The following GRID2 variants were observed in gnomAD, a reference collection of about 807,000 sequenced individuals.
GRID2 encodes glutamate ionotropic receptor delta type subunit 2.
GRID2 carries 33 observed loss-of-function variants against 114.8 expected under a neutral mutation model. The ratio of observed to expected loss-of-function variants is 0.29; its 90% confidence interval spans 0.22 to 0.38. GRID2 has a LOEUF of 0.38. GRID2 is among the 10% of genes least tolerant of loss of function. The pLI is 1.00. For synonymous variants in GRID2, 505 were observed against 449.9 expected, an observed-to-expected ratio of 1.12 and a Z score of -1.55; for missense variants, 1,184 against 1,257.7, an observed-to-expected ratio of 0.94 and a Z score of 0.89.
chr4:92,722,081 C>T (rs541022649), intron 2 of GRID2, among the ~76,000 whole-genome samples: 2 of 152,172 alleles, frequency 1.3e-5, no homozygotes, highest in South Asian at 2.1e-4. Context: ...ACTCAGCAAC[C>T]AAAATGGTTT....
rs531692963 is a variant in GRID2, at chr4:92,861,395, C to T, written c.245-223600C>T. ...AGTTCTGTGAATTACGCAGGGGACA[C>T]GCACACTAGTGCGAAGGAAATCTTG... On this transcript the variant is annotated intron_variant, in intron 2 of 15. Coordinates refer to ENST00000282020, the MANE Select transcript of GRID2 (RefSeq NM_001510.4). Among the ~76,000 whole-genome samples, 34 of 152,128 alleles carry T rather than the reference C, an allele frequency of 2.2e-4. No homozygotes were observed. The South Asian group carries it at 6.8e-3, about 31-fold the overall frequency.
chr4:92,831,028 C>A (rs1742064958), intron 2 of GRID2, among the ~76,000 whole-genome samples: 1 of 152,122 alleles, frequency 6.6e-6, no homozygotes, highest in Non-Finnish European at 1.5e-5. Context: ...TATTGCCTGA[C>A]ATTTAAACTG....
intron 4 of GRID2, among the ~76,000 whole-genome samples, chr4:93,181,031 T>G (rs1457774732): frequency 6.6e-6 from 1 of 152,136 alleles, no homozygotes; most frequent in Admixed American, 6.6e-5. Context: ...AGTTTTCAAT[T>G]TACTCTGCCC....
rs966826660 is a variant in GRID2 at position 92,499,500 on chromosome 4, A to C, written c.89-90631A>C. ...TTTTACTTTATAGACTGGCTCTTCT[A>C]TATTTAGAATTATTATTCAGCAGAA... On this transcript the variant is annotated intron_variant, in intron 1 of 15. Coordinates refer to ENST00000282020, the MANE Select transcript of GRID2 (RefSeq NM_001510.4). Among the ~76,000 whole-genome samples the C allele has an allele frequency of 4.6e-5, 7 of 152,222 alleles. 1 individual carries two copies. The highest frequency in any genetic ancestry group is 1.3e-4 in the Admixed American group (2 of 15,266).
chr4:93,227,639 C>G (rs1022108561), intron 7 of GRID2, among the ~76,000 whole-genome samples: 1 of 152,124 alleles, frequency 6.6e-6, no homozygotes. Context: ...TTTCTCACAT[C>G]TTATTATGTT....
intron 8 of GRID2, among the ~76,000 whole-genome samples, chr4:93,332,263 TGTGC>T (rs1379219624): frequency 1.9e-5 from 2 of 107,216 alleles, no homozygotes; most frequent in African/African-American, 6.1e-5. Context: ...TGTGTGTGTG[TGTGC>T]GTGTGTGTGT....
chr4:92,882,952 G>A (rs190347308), intron 2 of GRID2, among the ~76,000 whole-genome samples: 3 of 152,274 alleles, frequency 2.0e-5, no homozygotes, highest in South Asian at 2.1e-4. Context: ...GCTGAAGGTC[G>A]GGGTGGCTGT....
At chr4:93,746,717 A>G (rs760135120) in intron 14 of GRID2, among the ~76,000 whole-genome samples, 1 of 152,166 alleles carries the variant, frequency 6.6e-6, no homozygotes, top group Non-Finnish European at 1.5e-5. Context: ...ATATATTGCA[A>G]TACAATATTT....
At chr4:92,846,881 G>A (rs1433592398) in intron 2 of GRID2, among the ~76,000 whole-genome samples, 1 of 152,024 alleles carries the variant, frequency 6.6e-6, no homozygotes, top group African/African-American at 2.4e-5. Flanking sequence ...TTACAAAGGA[G>A]GAAACTCAGT....
chr4:93,444,424 T>A (rs1721904283), intron 10 of GRID2, among the ~76,000 whole-genome samples: 1 of 151,956 alleles, frequency 6.6e-6, no homozygotes, highest in Non-Finnish European at 1.5e-5. Context: ...ACTAAACTAA[T>A]CATGATGTTT....
At chr4:92,948,728 A>C (rs1458209661) in intron 2 of GRID2, among the ~76,000 whole-genome samples, 1 of 152,022 alleles carries the variant, frequency 6.6e-6, no homozygotes, top group Non-Finnish European at 1.5e-5. Flanking sequence ...CCTGTTTGAC[A>C]GTTTACCATA....
chr4:92,362,425 T>C lies in GRID2; in HGVS notation c.88+57681T>C, dbSNP rs1333059777. On this transcript the variant is annotated intron_variant, in intron 1 of 15. Transcript: ENST00000282020. ...GTGGCTTAAAACAAGCTCTGTTTAT[T>C]CCAAAAATTTTTCTAAAATTATTTT... 2.6e-5 allele frequency among the ~76,000 whole-genome samples: 4 copies of C among 152,012 alleles called. No individual in the cohort carries two copies. The East Asian group carries it at 7.7e-4, about 29-fold the overall frequency.
chr4:92,645,252 T>G (rs921428333), intron 2 of GRID2, among the ~76,000 whole-genome samples: 1 of 151,746 alleles, frequency 6.6e-6, no homozygotes, highest in African/African-American at 2.4e-5. Context: ...TTCCTTGGAA[T>G]GTGTTTGTTA....
intron 1 of GRID2, among the ~76,000 whole-genome samples, chr4:92,437,675 G>C (rs758972563): frequency 6.6e-6 from 1 of 152,110 alleles, no homozygotes; most frequent in Non-Finnish European, 1.5e-5. Flanking sequence ...AACCTCAAAG[G>C]TTTCACTAAC....
intron 13 of GRID2, among the ~76,000 whole-genome samples, chr4:93,516,648 T>G (rs963885036): frequency 1.3e-4 from 20 of 152,028 alleles, no homozygotes; most frequent in Non-Finnish European, 5.9e-5. Flanking sequence ...TCCCAGTTAA[T>G]GGGGTTCGGG....
At chr4:93,268,686 AT>A (rs1265816305) in intron 8 of GRID2, among the ~76,000 whole-genome samples, 10 of 152,206 alleles carry the variant, frequency 6.6e-5, no homozygotes, top group African/African-American at 1.9e-4. Context: ...AGAAGATATA[AT>A]TATATAAATG....
At chr4:92,748,632 G>GTATTATTAT (rs10673614) in intron 2 of GRID2, among the ~76,000 whole-genome samples, 2,689 of 137,708 alleles carry the variant, frequency 0.02, 29 homozygotes, top group South Asian at 0.036. Flanking sequence ...TAATTAAATT[G>GTATTATTAT]TATTATTATT....
chr4:92,622,969 T>C (rs1198004973), intron 2 of GRID2, among the ~76,000 whole-genome samples: 1 of 151,728 alleles, frequency 6.6e-6, no homozygotes, highest in Non-Finnish European at 1.5e-5. Flanking sequence ...GAAGCTTCTG[T>C]GTCTTCCAAA....
At chr4:92,463,580 A>G (rs1322604707) in intron 1 of GRID2, among the ~76,000 whole-genome samples, 1 of 151,982 alleles carries the variant, frequency 6.6e-6, no homozygotes, top group Non-Finnish European at 1.5e-5. Context: ...TGTATATTCA[A>G]TCCTGAGGTA....
Sources: gnomAD v4.1 joint callset for allele counts (sites outside exome capture counted in the v4.1 genomes callset) on GRCh38, gnomAD v4.1.1 for gene constraint, MANE v1.5 for transcripts, NCBI Gene and HGNC (gene_info 2026-07-23, HGNC 2026-07-21) for gene names.